The following GGA3 variants were observed in gnomAD, a reference collection of about 807,000 sequenced individuals.
The protein encoded by GGA3 is ADP-ribosylation factor-binding protein GGA3.
Under a neutral mutation model 77.5 loss-of-function variants are expected in GGA3, and 57 were observed. The ratio of observed to expected loss-of-function variants is 0.74; its 90% CI spans 0.59 to 0.92. The LOEUF (loss-of-function observed/expected upper bound fraction) is 0.92, where lower values mean the gene tolerates loss of function less well. Ranked by LOEUF, GGA3 falls within the 40% of genes least tolerant of loss-of-function variation. The pLI is 0.00. For synonymous variants in GGA3, 416 were observed against 383.7 expected (o/e 1.08, Z -0.98); for missense variants, 970 against 914.9 (o/e 1.06, Z -0.78).
intron 1 of GGA3, among the ~76,000 whole-genome samples, chr17:75,250,091 G>A (rs1027073183): frequency 1.3e-5 from 2 of 152,168 alleles, no homozygotes; most frequent in African/African-American, 4.8e-5. Context: ...CCACAGGAAC[G>A]GGAAGGAACC....
intron 14 of GGA3, 127 bp downstream of exon 14, chr17:75,239,248 C>CA: frequency 1.0e-6 from 1 of 979,214 alleles, no homozygotes; most frequent in Middle Eastern, 2.3e-4. Flanking sequence ...AGAATGCAGG[C>CA]AGGGAGGCCT....
rs1051389902 is a variant in GGA3, at chr17:75,244,623, G to A, written c.296C>T (p.Pro99Leu). The stretch of plus-strand genomic sequence containing the variant: ...AGGAATCTGCCGCTGACTGACCTTT[G>A]GAGAGACGACTTTGATTAACTCATT... ...FLNELIKVVS[P>L]KYLGDRVSEK... is the part of the protein sequence containing the mutation. The change falls in exon 4 of 17, where the codon CCA becomes CTA. Residue 99 changes from proline to leucine, a missense_variant. Coordinates refer to ENST00000537686, the MANE Select transcript of GGA3 (RefSeq NM_138619.4). The A allele has an allele frequency of 1.2e-6, 2 of 1,603,094 alleles. No individual in the cohort carries two copies. The highest frequency in any genetic ancestry group is 1.7e-6 in the Non-Finnish European group (2 of 1,169,880).
intron 1 of GGA3, among the ~76,000 whole-genome samples, chr17:75,254,072 ACACTT>A (rs2077060607): frequency 6.6e-6 from 1 of 151,992 alleles, no homozygotes; most frequent in Non-Finnish European, 1.5e-5. Context: ...GGCATTTTTC[ACACTT>A]CGTTCCCTCT....
rs765537822 is a variant in GGA3 at position 75,242,881 on chromosome 17, G to T, written c.559C>A (p.Pro187Thr). The T allele has an allele frequency of 1.4e-5, 22 of 1,613,964 alleles. No homozygotes were observed. Among genetic ancestry groups the T allele is most frequent in the East Asian group, 2.2e-5 (1 of 44,886 alleles). ...TTGTTGGCCTCCTGCAGGTCATCTG[G>T]GTTTTTGCTTTTCAGCAGCTTGGCT... The part of the protein sequence containing the change: ...LLAKLLKSKN[P>T]DDLQEANKLI... The change falls in exon 7 of 17, where the codon CCA (proline) becomes ACA (threonine). Residue 187 changes from proline (P) to threonine (T), a missense_variant. Transcript: ENST00000537686.
At chr17:75,242,273 C>A (rs2076584322) in intron 8 of GGA3, 63 bp downstream of exon 8, 1 of 1,574,428 alleles carries the variant, frequency 6.4e-7, no homozygotes, top group Admixed American at 1.7e-5. Flanking sequence ...TCAGCAAATG[C>A]TGGCTGAGCT....
chr17:75,257,037 T>A (rs1013425873), intron 1 of GGA3, among the ~76,000 whole-genome samples: 5 of 152,176 alleles, frequency 3.3e-5, no homozygotes, highest in African/African-American at 1.2e-4. Flanking sequence ...GAAACCTTTA[T>A]ATCCCTTACG....
Position 75,240,326 on chromosome 17 carries a change from G to A in GGA3, c.1263+16C>T, listed in dbSNP as rs577012112. ...TCCTTGGCACAGTAGTGCTGTCACC[G>A]ATCCTGTGCCCCTACCTGGAGCAGG... is the stretch of plus-strand genomic sequence containing the variant. On this transcript the variant is annotated intron_variant, in intron 12 of 16. Transcript: ENST00000537686. 3.9e-6 allele frequency: 6 copies of A among 1,549,082 alleles called. No homozygotes were observed. In the African/African-American group the frequency reaches 4.0e-5, roughly 10 times the overall value.
At chr17:75,257,345 C>T (rs903185752) in intron 1 of GGA3, among the ~76,000 whole-genome samples, 3 of 147,958 alleles carry the variant, frequency 2.0e-5, no homozygotes, top group African/African-American at 2.5e-5. Context: ...TCCTATTCAA[C>T]GTTCTCAACT....
intron 3 of GGA3, among the ~76,000 whole-genome samples, chr17:75,245,130 G>T (rs2076710011): frequency 6.6e-6 from 1 of 152,166 alleles, no homozygotes; most frequent in South Asian, 2.1e-4. Flanking sequence ...GCAGGGAATG[G>T]GAGGGATGTT....
chr17:75,248,906 G>C, intron 1 of GGA3: 1 of 985,122 alleles, frequency 1.0e-6, no homozygotes, highest in Non-Finnish European at 1.2e-6. Context: ...GCAGGGATCT[G>C]AGTAGCGACA....
At chr17:75,248,387 C>T (rs576195816) in intron 1 of GGA3, among the ~76,000 whole-genome samples, 11 of 133,144 alleles carry the variant, frequency 8.3e-5, no homozygotes, top group Middle Eastern at 5.6e-3. Context: ...AGGAGAATGG[C>T]GCGAACCCGG....
At chr17:75,254,458 C>G (rs960979935) in intron 1 of GGA3, among the ~76,000 whole-genome samples, 1 of 152,162 alleles carries the variant, frequency 6.6e-6, no homozygotes, top group Non-Finnish European at 1.5e-5. Context: ...AGCGTTTAGG[C>G]TCTTTTTCAT....
rs148449187 is a variant in GGA3, at chr17:75,251,488, G to A, written c.41-4692C>T. 9.4e-3 allele frequency among the ~76,000 whole-genome samples: 1,433 copies of A among 151,918 alleles called. 25 individuals are homozygous for A. The highest frequency in any genetic ancestry group is 0.033 in the African/African-American group (1,350 of 41,422). ...TTTGAGAGGCTGAGGTGGGTGGATC[G>A]CGAGGTCAGGAGTTCAAGACCAGCC... On this transcript the variant is annotated intron_variant, in intron 1 of 16. Coordinates refer to ENST00000537686, the MANE Select transcript of GGA3 (RefSeq NM_138619.4).
In GGA3 at chr17:75,238,164, C is replaced by T. The variant is rs772408365; in HGVS notation, c.*115G>A. On this transcript the variant is annotated 3_prime_UTR_variant, in exon 17 of 17. Coordinates refer to ENST00000537686, the MANE Select transcript of GGA3 (RefSeq NM_138619.4). ...GCAGAAATGCCCAGGGCCCCTGTTC[C>T]ACATCAAAGCTACAAGCACTGTTGT... 2 of 1,493,700 alleles carry T rather than the reference C, an allele frequency of 1.3e-6. No homozygotes were observed. The highest frequency in any genetic ancestry group is 1.8e-6 in the Non-Finnish European group (2 of 1,123,560). 92.5% of individuals were successfully genotyped at this position (1,493,700 alleles called of 1,614,324 possible).
In GGA3 at chr17:75,238,073, G is replaced by A; in HGVS notation, c.*206C>T. The A allele has an allele frequency of 7.2e-7, 1 of 1,384,574 alleles. No individual in the cohort carries two copies. Among genetic ancestry groups the A allele is most frequent in the Non-Finnish European group, 9.3e-7 (1 of 1,072,446 alleles). 85.8% of individuals were successfully genotyped at this position (1,384,574 alleles called of 1,614,324 possible). A position where few individuals can be genotyped will look rare whatever the true frequency, so the allele number is the denominator to read the frequency against. On this transcript the variant is annotated 3_prime_UTR_variant, in exon 17 of 17. Coordinates refer to ENST00000537686, the MANE Select transcript of GGA3 (RefSeq NM_138619.4). ...GCATATGGCCACTTCAAGTCACACA[G>A]GTAGATAAAAACAGGTCCTTTTAGG...
At position 75,242,814 on chromosome 17, in the gene GGA3, G is replaced by C. The variant is rs1598401891; in HGVS notation, c.609+17C>G. ...GGGCTCCTCCACCCCGTGCCTGAAG[G>C]ACCGGGGCCCACTCACTTCCTTCAC... On this transcript the variant is annotated intron_variant, in intron 7 of 16. Coordinates refer to ENST00000537686, the MANE Select transcript of GGA3 (RefSeq NM_138619.4). 1 of 1,600,372 alleles carries C rather than the reference G, an allele frequency of 6.2e-7. No individual in the cohort carries two copies. Among genetic ancestry groups the C allele is most frequent in the Non-Finnish European group, 8.6e-7 (1 of 1,167,592 alleles).
At chr17:75,249,933 C>T (rs2076903117) in intron 1 of GGA3, among the ~76,000 whole-genome samples, 1 of 152,214 alleles carries the variant, frequency 6.6e-6, no homozygotes, top group African/African-American at 2.4e-5. Flanking sequence ...ATCTCACTTT[C>T]TTCCACCTTG....
intron 1 of GGA3, among the ~76,000 whole-genome samples, chr17:75,258,005 C>G (rs181121194): frequency 6.6e-6 from 1 of 152,150 alleles, no homozygotes. Context: ...CTGCCCCACC[C>G]TAACTGATCA....
Position 75,240,603 on chromosome 17 carries a change from G to A in GGA3, c.1193-191C>T. ...ATGATGCAGAAGCGGGGGGCCTGTG[G>A]GGCGGGGTGCAGGGCAGGAGGCAGA... On this transcript the variant is annotated intron_variant, in intron 11 of 16. Transcript: ENST00000537686. 2 of 674,222 alleles carry A rather than the reference G, an allele frequency of 3.0e-6. 1 individual carries two copies. The highest frequency in any genetic ancestry group is 3.8e-5 in the South Asian group (2 of 52,410). The allele number at this position is 674,222 out of a possible 1,614,324, so 41.8% of individuals were successfully genotyped here. A position where few individuals can be genotyped will look rare whatever the true frequency, so the allele number is the denominator to read the frequency against.
Sources: allele counts gnomAD v4.1 joint callset (sites outside exome capture counted in the v4.1 genomes callset), GRCh38; gene constraint gnomAD v4.1.1; transcripts MANE v1.5; gene names NCBI Gene and HGNC (gene_info 2026-07-23, HGNC 2026-07-21).